Variants in PDE10A observed in about 807,000 individuals in gnomAD.
PDE10A encodes phosphodiesterase 10A, also known as cAMP and cAMP-inhibited cGMP 3',5'-cyclic phosphodiesterase 10A.
Under a neutral mutation model 97.7 loss-of-function variants are expected in PDE10A, and 39 were observed. The ratio of observed to expected loss-of-function variants is 0.40; its 90% CI spans 0.31 to 0.52. PDE10A has a LOEUF of 0.52. Ranked by LOEUF, PDE10A falls within the 20% of genes least tolerant of loss-of-function variation. The pLI is 0.56. For missense variants in PDE10A, 731 were observed against 1,047.8 expected, an observed-to-expected ratio of 0.70 and a Z score of 4.17; for synonymous variants, 371 against 376.8, an observed-to-expected ratio of 0.98 and a Z score of 0.18.
chr6:165,797,441 T>C (rs1416297025), intron 1 of PDE10A, among the ~76,000 whole-genome samples: 2 of 152,240 alleles, frequency 1.3e-5, no homozygotes, highest in African/African-American at 2.4e-5. Flanking sequence ...CTTTCCCTTA[T>C]TATCCAAGGT....
chr6:165,529,653 T>C (rs561894986), intron 2 of PDE10A, among the ~76,000 whole-genome samples: 2 of 152,242 alleles, frequency 1.3e-5, no homozygotes, highest in South Asian at 4.1e-4. Context: ...TATCTTTATT[T>C]CCTTTTCTTT....
At position 165,723,426 on chromosome 6, in the gene PDE10A, T is replaced by A. The variant is rs369511003; in HGVS notation, c.-614-179858A>T. 3.3e-5 allele frequency among the ~76,000 whole-genome samples: 5 copies of A among 152,308 alleles called. No individual in the cohort carries two copies. In the East Asian group the frequency reaches 9.6e-4, roughly 29 times the overall value. On this transcript the variant is annotated intron_variant, in intron 1 of 19. Transcript: ENST00000366882. Reference sequence around the variant, plus strand: ...CTTTATATTTACAACGTGACTGTGCTGCAAAAAATAGTGCGGTTTCCTTGT... The same window carrying A: ...CTTTATATTTACAACGTGACTGTGCAGCAAAAAATAGTGCGGTTTCCTTGT...
chr6:165,527,638 T>C (rs1002340998), intron 2 of PDE10A, among the ~76,000 whole-genome samples: 2 of 152,140 alleles, frequency 1.3e-5, no homozygotes, highest in Non-Finnish European at 2.9e-5. Context: ...GAACTGGGTG[T>C]TTTCTGACCC....
At position 165,331,553 on chromosome 6, in the gene PDE10A, T is replaced by C. The variant is rs560632697; in HGVS notation, c.*1472A>G. ...CATTTTATTAAAAGCGATATTCCAGTTTCCTGCCACATGAAAAGTGAATAA... is the reference window on the plus strand; with the variant it reads ...CATTTTATTAAAAGCGATATTCCAGCTTCCTGCCACATGAAAAGTGAATAA... On this transcript the variant is annotated 3_prime_UTR_variant, in exon 22 of 22. Transcript: ENST00000539869. 6.6e-6 allele frequency: 1 copy of C among 152,324 alleles called. No individual in the cohort carries two copies. Among genetic ancestry groups the C allele is most frequent in the South Asian group, 2.1e-4 (1 of 4,830 alleles). 9.4% of individuals were successfully genotyped at this position (152,324 alleles called of 1,614,324 possible).
At chr6:165,970,492 T>A (rs1387233772) in intron 1 of PDE10A, among the ~76,000 whole-genome samples, 2 of 151,086 alleles carry the variant, frequency 1.3e-5, no homozygotes, top group South Asian at 2.1e-4. Flanking sequence ...AAGTTTGAGA[T>A]CATTTCAAAA....
intron 20 of PDE10A, among the ~76,000 whole-genome samples, chr6:165,338,106 T>C (rs1343604301): frequency 1.3e-5 from 2 of 152,130 alleles, no homozygotes; most frequent in South Asian, 2.1e-4. Flanking sequence ...GTAAACACGA[T>C]AGGTATTCAG....
chr6:165,805,255 G>T (rs1779103306), intron 1 of PDE10A, among the ~76,000 whole-genome samples: 1 of 152,116 alleles, frequency 6.6e-6, no homozygotes, highest in Non-Finnish European at 1.5e-5. Context: ...TACCCTGGAG[G>T]CAGCGGCTCC....
At chr6:165,703,408 C>T (rs139014762) in intron 1 of PDE10A, among the ~76,000 whole-genome samples, 84 of 152,312 alleles carry the variant, frequency 5.5e-4, no homozygotes, top group African/African-American at 1.9e-3. Flanking sequence ...TAAAGCCATA[C>T]AAAGAACATG....
intron 1 of PDE10A, among the ~76,000 whole-genome samples, chr6:165,956,673 T>C (rs931845936): frequency 6.6e-5 from 10 of 152,210 alleles, no homozygotes; most frequent in African/African-American, 2.4e-4. Flanking sequence ...CCTATGTTTC[T>C]CATTTTAAAA....
intron 12 of PDE10A, 57 bp downstream of exon 12, chr6:165,416,132 G>T: frequency 8.9e-7 from 1 of 1,125,400 alleles, no homozygotes; most frequent in Non-Finnish European, 1.4e-6. Flanking sequence ...AGAGGTTTCA[G>T]CTGAGTGGGA....
rs544289687 is a variant in PDE10A, at chr6:165,825,784, C to T, written c.-615+161745G>A. Among the ~76,000 whole-genome samples the T allele has an allele frequency of 1.9e-4, 29 of 152,260 alleles. 1 individual carries two copies. Among genetic ancestry groups the T allele is most frequent in the African/African-American group, 6.7e-4 (28 of 41,552 alleles). On this transcript the variant is annotated intron_variant, in intron 1 of 19. Transcript: ENST00000366882. ...TGGGAGGGCCTGAACCTGCCTCTGC[C>T]CACGGCCTATGTGAATCCTCAACCC... is the stretch of plus-strand genomic sequence containing the variant.
intron 1 of PDE10A, among the ~76,000 whole-genome samples, chr6:165,913,043 C>A (rs936670377): frequency 7.9e-5 from 12 of 152,076 alleles, no homozygotes; most frequent in African/African-American, 2.9e-4. Context: ...TAAAGAATTC[C>A]ACACCTGACC....
chr6:165,943,343 A>G (rs1049944741), intron 1 of PDE10A, among the ~76,000 whole-genome samples: 2 of 48,652 alleles, frequency 4.1e-5, no homozygotes, highest in African/African-American at 1.1e-4. Context: ...GAAAGAAAGA[A>G]AAGAGAAAGA....
chr6:165,443,134 A>T (rs1420169164), intron 5 of PDE10A, among the ~76,000 whole-genome samples: 1 of 149,400 alleles, frequency 6.7e-6, no homozygotes, highest in Admixed American at 6.7e-5. Flanking sequence ...AAAAAAAAAA[A>T]TGTCCAAGTC....
chr6:165,614,494 T>C (rs1381829438), intron 1 of PDE10A, among the ~76,000 whole-genome samples: 3 of 152,154 alleles, frequency 2.0e-5, no homozygotes, highest in Admixed American at 2.0e-4. Flanking sequence ...CCTCCTCTTC[T>C]AGAACATCTA....
At chr6:165,379,559 C>T (rs1490755002) in intron 17 of PDE10A, among the ~76,000 whole-genome samples, 193 bp from the exon 18 acceptor site, 1 of 152,038 alleles carries the variant, frequency 6.6e-6, no homozygotes, top group African/African-American at 2.4e-5. Flanking sequence ...TCTCTTTAAG[C>T]TACAGAAACA....
chr6:165,889,883 CA>C (rs1781731130), intron 1 of PDE10A, among the ~76,000 whole-genome samples: 1 of 113,926 alleles, frequency 8.8e-6, no homozygotes. Context: ...ACTCCTCCCT[CA>C]CTCACTCCTC....
chr6:165,923,801 A>C (rs1782832684), intron 1 of PDE10A, among the ~76,000 whole-genome samples: 1 of 152,202 alleles, frequency 6.6e-6, no homozygotes, highest in Non-Finnish European at 1.5e-5. Flanking sequence ...AAATTGCACA[A>C]ATTTAACTGG....
intron 1 of PDE10A, chr6:165,940,337 A>C (rs572022193): frequency 2.2e-4 from 33 of 152,384 alleles, no homozygotes; most frequent in African/African-American, 7.9e-4. Context: ...CATGCAGTGG[A>C]AACTAATCAA....
Sources: allele counts gnomAD v4.1 joint callset (sites outside exome capture counted in the v4.1 genomes callset), GRCh38; gene constraint gnomAD v4.1.1; transcripts MANE v1.5; gene names NCBI Gene and HGNC (gene_info 2026-07-23, HGNC 2026-07-21).